The following EEA1 variants were observed in gnomAD, a reference collection of about 807,000 sequenced individuals.
The protein encoded by EEA1 is early endosome antigen 1, 162kD.
EEA1 carries 111 observed loss-of-function variants against 209.2 expected under a neutral mutation model. That is an observed-to-expected ratio of 0.53 (90% CI 0.45 to 0.62). EEA1 has a LOEUF of 0.62. EEA1 is among the 20% of genes least tolerant of loss of function. EEA1 has a pLI of 0.00. For missense variants in EEA1, 1,343 were observed against 1,530.8 expected (o/e 0.88, Z 2.05); for synonymous variants, 536 against 540.6 (o/e 0.99, Z 0.12).
At chr12:92,827,587 C>T (rs904182601) in intron 12 of EEA1, among the ~76,000 whole-genome samples, 1 of 152,156 alleles carries the variant, frequency 6.6e-6, no homozygotes, top group Admixed American at 6.5e-5. Flanking sequence ...ACGATCTTTA[C>T]CAACAATTCA....
intron 16 of EEA1, among the ~76,000 whole-genome samples, chr12:92,812,703 CT>C (rs1875579243): frequency 6.6e-6 from 1 of 151,854 alleles, no homozygotes; most frequent in Admixed American, 6.6e-5. Flanking sequence ...AACATTACTG[CT>C]CTACACCAAG....
intron 2 of EEA1, among the ~76,000 whole-genome samples, chr12:92,879,784 G>A (rs990455842): frequency 6.6e-6 from 1 of 152,194 alleles, no homozygotes; most frequent in Non-Finnish European, 1.5e-5. Flanking sequence ...GTGAAAGTGG[G>A]AGGGCCTCAA....
In EEA1 at chr12:92,857,453, T is replaced by C; in HGVS notation, c.278A>G (p.Gln93Arg). 1 of 1,598,420 alleles carries C rather than the reference T, an allele frequency of 6.3e-7. No individual in the cohort carries two copies. Among genetic ancestry groups the C allele is most frequent in the Non-Finnish European group, 8.5e-7 (1 of 1,174,590 alleles). ...DDVTLLRQEV[Q>R]DLQASLKEEK... ...TACCTTAAGTGAAGCCTGTAGGTCT[T>C]GGACCTCTTGTCTGAGCAGTGTTAC... Residue 93 changes from glutamine to arginine, a missense_variant, in exon 4 of 29, where the codon CAA becomes CGA. This residue lies in a region of EEA1 where 1,307 missense variants were observed against 1,465.5 expected (regional missense o/e 0.89). Transcript: ENST00000322349.
chr12:92,798,409 C>T (rs1443220238), intron 21 of EEA1, among the ~76,000 whole-genome samples: 2 of 151,228 alleles, frequency 1.3e-5, no homozygotes, highest in African/African-American at 2.4e-5. Flanking sequence ...GGCATGATCT[C>T]AGCTCACTGC....
At chr12:92,834,466 G>A (rs1385886900) in intron 10 of EEA1, among the ~76,000 whole-genome samples, 1 of 145,696 alleles carries the variant, frequency 6.9e-6, no homozygotes, top group Non-Finnish European at 1.5e-5. Flanking sequence ...GCATGCTTGG[G>A]CCCAAGAGTT....
intron 1 of EEA1, among the ~76,000 whole-genome samples, chr12:92,895,966 G>A (rs951854623): frequency 1.3e-5 from 2 of 151,700 alleles, no homozygotes; most frequent in South Asian, 2.1e-4. Flanking sequence ...AGATGCGACT[G>A]ATAATTTTCT....
At position 92,832,422 on chromosome 12, in the gene EEA1, A is replaced by G. The variant is rs1233952238; in HGVS notation, c.1254+90T>C. On this transcript the variant is annotated intron_variant, in intron 11 of 28. Coordinates refer to ENST00000322349, the MANE Select transcript of EEA1 (RefSeq NM_003566.4). ...CTTTTAAAATGACAATATTTTTTCA[A>G]CATGAACTATATTATGATCAAATAA... is the stretch of plus-strand genomic sequence containing the variant. 3.2e-6 allele frequency: 4 copies of G among 1,235,408 alleles called. No individual in the cohort carries two copies. The African/African-American group carries it at 6.1e-5, about 19-fold the overall frequency. The allele number at this position is 1,235,408 out of a possible 1,614,324, so 76.5% of individuals were successfully genotyped here. A position where few individuals can be genotyped will look rare whatever the true frequency, so the allele number is the denominator to read the frequency against.
chr12:92,866,738 T>C (rs1210390110), intron 2 of EEA1, among the ~76,000 whole-genome samples: 2 of 152,144 alleles, frequency 1.3e-5, no homozygotes, highest in Admixed American at 6.5e-5. Flanking sequence ...TAACAACATA[T>C]ATCTCTACCT....
intron 2 of EEA1, chr12:92,879,265 C>CA (rs890841852): frequency 4.2e-5 from 17 of 408,866 alleles, no homozygotes; most frequent in African/African-American, 2.1e-4. Flanking sequence ...CATCCTAATC[C>CA]AAAAAAATCC....
At chr12:92,863,043 T>C (rs375542936) in intron 3 of EEA1, among the ~76,000 whole-genome samples, 1 of 152,196 alleles carries the variant, frequency 6.6e-6, no homozygotes, top group East Asian at 1.9e-4. Flanking sequence ...GAGGAAGTTA[T>C]GGATGTAGAT....
intron 22 of EEA1, among the ~76,000 whole-genome samples, chr12:92,785,176 T>C (rs978905378): frequency 2.6e-5 from 4 of 152,184 alleles, no homozygotes; most frequent in African/African-American, 9.6e-5. Flanking sequence ...ATTTTACAGT[T>C]AAATTCTACC....
At chr12:92,797,304 T>C (rs564477168) in intron 21 of EEA1, among the ~76,000 whole-genome samples, 48 of 152,268 alleles carry the variant, frequency 3.2e-4, no homozygotes, top group African/African-American at 1.2e-3. Flanking sequence ...GCCAGGCTGG[T>C]CTCGAACTCC....
At chr12:92,842,138 AAAC>A (rs1212079948) in intron 10 of EEA1, among the ~76,000 whole-genome samples, 1 of 152,208 alleles carries the variant, frequency 6.6e-6, no homozygotes, top group Non-Finnish European at 1.5e-5. Context: ...AAAATTTAAA[AAAC>A]AACATTTTTA....
At chr12:92,891,068 A>G (rs982456467) in intron 2 of EEA1, among the ~76,000 whole-genome samples, 1 of 152,152 alleles carries the variant, frequency 6.6e-6, no homozygotes, top group Non-Finnish European at 1.5e-5. Context: ...TCCTTTTTCT[A>G]TAATCATCCA....
intron 15 of EEA1, among the ~76,000 whole-genome samples, chr12:92,814,293 T>G (rs191367620): frequency 6.6e-6 from 1 of 152,150 alleles, no homozygotes; most frequent in African/African-American, 2.4e-5. Flanking sequence ...GATTTAAAGG[T>G]GAAAACTAAA....
Position 92,793,668 on chromosome 12 carries a change from G to T in EEA1, c.2967+5224C>A, listed in dbSNP as rs532306204. 2.6e-5 allele frequency among the ~76,000 whole-genome samples: 4 copies of T among 152,224 alleles called. No individual in the cohort carries two copies. In the South Asian group the frequency reaches 8.3e-4, roughly 32 times the overall value. ...AATGGAAGAATATTCCATGCTCATG[G>T]ATAGGAAAAATCAATATCATGAAAA... On this transcript the variant is annotated intron_variant, in intron 21 of 28. Transcript: ENST00000322349.
rs1878599667 is a variant in EEA1, at chr12:92,870,608, G to A, written c.118-5621C>T. 3.3e-5 allele frequency among the ~76,000 whole-genome samples: 5 copies of A among 151,964 alleles called. No homozygotes were observed. The South Asian group carries it at 8.3e-4, about 25-fold the overall frequency. ...GACAGTCTGAGATTCAAGTTCTAAC[G>A]CTGTATATTTTCCTGAATAGGGACA... On this transcript the variant is annotated intron_variant, in intron 2 of 28. Coordinates refer to ENST00000322349, the MANE Select transcript of EEA1 (RefSeq NM_003566.4).
At chr12:92,786,641 G>A (rs1277057829) in intron 22 of EEA1, among the ~76,000 whole-genome samples, 1 of 151,782 alleles carries the variant, frequency 6.6e-6, no homozygotes, top group Non-Finnish European at 1.5e-5. Context: ...CTCATACCTC[G>A]ACTATTAGAA....
intron 9 of EEA1, among the ~76,000 whole-genome samples, chr12:92,847,334 C>T (rs1445780602): frequency 2.0e-5 from 3 of 152,112 alleles, no homozygotes; most frequent in African/African-American, 7.2e-5. Context: ...TTGGTAAAAA[C>T]AGCAACATCC....
Sources: allele counts gnomAD v4.1 joint callset (sites outside exome capture counted in the v4.1 genomes callset), GRCh38; gene constraint gnomAD v4.1.1; regional missense constraint gnomAD v4.1.1; transcripts MANE v1.5; gene names NCBI Gene and HGNC (gene_info 2026-07-23, HGNC 2026-07-21).